The following TMPRSS11A variants were observed in gnomAD, a reference collection of about 807,000 sequenced individuals.
TMPRSS11A encodes the protein transmembrane protease serine 11A.
In TMPRSS11A, 53 loss-of-function variants were observed where a neutral mutation model predicts 58.9. The ratio of observed to expected loss-of-function variants is 0.90; its 90% CI spans 0.72 to 1.13. The LOEUF is 1.13. TMPRSS11A is among the 50% of genes most tolerant of loss of function. The pLI, the probability that TMPRSS11A is intolerant of heterozygous loss-of-function variation, is 0.00. For missense variants in TMPRSS11A, 493 were observed against 499.3 expected (o/e 0.99, Z 0.12); for synonymous variants, 167 against 169.8 (o/e 0.98, Z 0.13).
In TMPRSS11A at chr4:67,963,435, G is replaced by A. The variant is rs766130949; in HGVS notation, c.-42C>T. ...ATGATCTTGCAGGTCTGCACCCACT[G>A]AACTCAACTTTCTAATCAACTATAT... On this transcript the variant is annotated 5_prime_UTR_variant, in exon 1 of 10. Coordinates refer to ENST00000508048, the MANE Select transcript of TMPRSS11A (RefSeq NM_001114387.2). 1.4e-5 allele frequency: 22 copies of A among 1,609,500 alleles called. No homozygotes were observed. In the East Asian group the frequency reaches 4.5e-4, roughly 33 times the overall value.
At chr4:67,930,140 TGA>T (rs757584042) in intron 4 of TMPRSS11A, 100 bp from the exon 5 acceptor site, 40 of 1,121,718 alleles carry the variant, frequency 3.6e-5, no homozygotes, top group Non-Finnish European at 4.8e-5. Flanking sequence ...CCTCAGTTGC[TGA>T]GAGTGTCAAG....
intron 1 of TMPRSS11A, among the ~76,000 whole-genome samples, chr4:67,952,612 T>A (rs1395856356): frequency 6.6e-6 from 1 of 152,172 alleles, no homozygotes; most frequent in African/African-American, 2.4e-5. Flanking sequence ...GCCAAAGTAA[T>A]GTCATTGAAA....
In TMPRSS11A at chr4:67,963,254, T is replaced by C. The variant is rs563639424; in HGVS notation, c.11+129A>G. The stretch of plus-strand genomic sequence containing the variant: ...CAGGATGCTATGATAATTCCAGAAA[T>C]TTAAAAAAATCCAGTGCAGATTGAA... On this transcript the variant is annotated intron_variant, in intron 1 of 9. Transcript: ENST00000508048. 3.3e-5 allele frequency: 27 copies of C among 810,378 alleles called. No homozygotes were observed. The African/African-American group carries it at 4.6e-4, about 14-fold the overall frequency. The allele number at this position is 810,378 out of a possible 1,614,324, so 50.2% of individuals were successfully genotyped here.
Position 67,911,361 on chromosome 4 carries a change from G to A in TMPRSS11A, c.1238C>T (p.Ala413Val). Residue 413 changes from alanine (A) to valine (V), a missense_variant, in exon 10 of 10, where the codon GCT (alanine) becomes GTT (valine). Coordinates refer to ENST00000508048, the MANE Select transcript of TMPRSS11A (RefSeq NM_001114387.2). ...CGTGAATTAGATGCCTGTTTTTGAA[G>A]CAATCCAGTTTCGGTAATAAGTCAC... ...TQVTYYRNWI[A>V]SKTGI The A allele has an allele frequency of 6.2e-7, 1 of 1,612,936 alleles. No individual in the cohort carries two copies. The highest frequency in any genetic ancestry group is 8.5e-7 in the Non-Finnish European group (1 of 1,179,326).
chr4:67,935,619 T>A (rs939119586), intron 3 of TMPRSS11A, among the ~76,000 whole-genome samples: 1 of 152,186 alleles, frequency 6.6e-6, no homozygotes, highest in East Asian at 1.9e-4. Flanking sequence ...CTTTTCATAG[T>A]CTATAAAATC....
At chr4:67,956,579 G>A (rs1370842) in intron 1 of TMPRSS11A, among the ~76,000 whole-genome samples, 6 of 152,332 alleles carry the variant, frequency 3.9e-5, no homozygotes, top group African/African-American at 1.4e-4. Flanking sequence ...ATAGGGCAGG[G>A]ACAGGGACTA....
chr4:67,933,154 A>T (rs576330188), intron 3 of TMPRSS11A, among the ~76,000 whole-genome samples: 3 of 152,202 alleles, frequency 2.0e-5, no homozygotes, highest in African/African-American at 7.2e-5. Context: ...TGTTTCAGGG[A>T]TCAAGAAACA....
At chr4:67,916,691 G>A (rs942913402) in intron 8 of TMPRSS11A, among the ~76,000 whole-genome samples, 8 of 152,140 alleles carry the variant, frequency 5.3e-5, no homozygotes, top group Non-Finnish European at 7.4e-5. Context: ...GCCGGGCATG[G>A]TGGTGGGCGC....
At chr4:67,919,568 G>A (rs757392946) in intron 7 of TMPRSS11A, among the ~76,000 whole-genome samples, 2 of 152,152 alleles carry the variant, frequency 1.3e-5, no homozygotes, top group Non-Finnish European at 1.5e-5. Context: ...TGATGAACAG[G>A]ACCTAAGGTG....
At chr4:67,939,850 G>A (rs1253248368) in intron 3 of TMPRSS11A, among the ~76,000 whole-genome samples, 1 of 151,822 alleles carries the variant, frequency 6.6e-6, no homozygotes, top group African/African-American at 2.4e-5. Flanking sequence ...CACCATGCCC[G>A]GCTAATTTTC....
In TMPRSS11A at chr4:67,922,784, C is replaced by T. The variant is rs1461348850; in HGVS notation, c.663G>A (p.Trp221Ter). ...QCGATLISNT[W>*]LVTAAHCFQK... is the part of the protein sequence containing the mutation. Reference sequence around the variant, plus strand: ...GGAAGCAGTGTGCTGCAGTGACAAGCCATGTGTTACTAATCAAGGTGGCCC... The same window carrying T: ...GGAAGCAGTGTGCTGCAGTGACAAGTCATGTGTTACTAATCAAGGTGGCCC... The change falls in exon 7 of 10, where the codon TGG becomes TGA. Residue 221 changes from tryptophan (W) to a stop codon, truncating the protein, a stop_gained. Transcript: ENST00000508048. LOFTEE classifies it high-confidence loss of function. 2 of 1,614,048 alleles carry T rather than the reference C, an allele frequency of 1.2e-6. No homozygotes were observed. Among genetic ancestry groups the T allele is most frequent in the South Asian group, 1.1e-5 (1 of 91,072 alleles).
intron 1 of TMPRSS11A, 26 bp downstream of exon 1, chr4:67,963,357 C>T (rs1476925490): frequency 1.9e-6 from 3 of 1,613,056 alleles, no homozygotes; most frequent in Non-Finnish European, 2.5e-6. Flanking sequence ...TCAAACAAGC[C>T]ATCTATAAAA....
chr4:67,946,376 A>C, intron 2 of TMPRSS11A, 74 bp downstream of exon 2: 1 of 1,426,178 alleles, frequency 7.0e-7, no homozygotes, highest in Non-Finnish European at 9.3e-7. Flanking sequence ...AGATGAAGTT[A>C]CATTTACATA....
In TMPRSS11A at chr4:67,963,383, C is replaced by T. The variant is rs751772293; in HGVS notation, c.11G>A (p.Arg4Gln). The T allele has an allele frequency of 2.2e-5, 35 of 1,613,452 alleles. No individual in the cohort carries two copies. The highest frequency in any genetic ancestry group is 7.7e-5 in the South Asian group (7 of 91,012). MMY[R>Q]TVGFGTRSRN... ...ATCTATAAAACAGAACTGAACTTACCGATACATCATGTACAGGAGGAAGAA... is the reference window on the plus strand; with the variant it reads ...ATCTATAAAACAGAACTGAACTTACTGATACATCATGTACAGGAGGAAGAA... Residue 4 changes from arginine (R) to glutamine (Q), a missense_variant and splice_region_variant, in exon 1 of 10, where the codon CGG (arginine) becomes CAG (glutamine). Arg to Gln is a conservative substitution (Grantham distance 43). Transcript: ENST00000508048.
chr4:67,954,473 C>G (rs1440026337), intron 1 of TMPRSS11A, among the ~76,000 whole-genome samples: 1 of 152,220 alleles, frequency 6.6e-6, no homozygotes, highest in Non-Finnish European at 1.5e-5. Flanking sequence ...CTTATCCCTT[C>G]TAGATCCCCC....
rs138343789 is a variant in TMPRSS11A, at chr4:67,950,442, G to T, written c.12-3871C>A. 3.9e-3 allele frequency among the ~76,000 whole-genome samples: 587 copies of T among 152,258 alleles called. 6 individuals are homozygous for T. Among genetic ancestry groups the T allele is most frequent in the African/African-American group, 0.014 (565 of 41,542 alleles). On this transcript the variant is annotated intron_variant, in intron 1 of 9. Transcript: ENST00000508048. Reference sequence around the variant, plus strand: ...GAATCTCTCTATTGGGGAAGCCCAGGCTCTTTAAAAATGTCATCCGATTAG... The same window carrying T: ...GAATCTCTCTATTGGGGAAGCCCAGTCTCTTTAAAAATGTCATCCGATTAG...
At chr4:67,932,660 TC>T (rs1440345034) in intron 3 of TMPRSS11A, among the ~76,000 whole-genome samples, 2 of 152,130 alleles carry the variant, frequency 1.3e-5, no homozygotes, top group African/African-American at 4.8e-5. Context: ...CTAGCCTCCA[TC>T]CTGGCATTAC....
intron 3 of TMPRSS11A, among the ~76,000 whole-genome samples, chr4:67,935,240 C>T (rs1204719820): frequency 6.6e-6 from 1 of 152,106 alleles, no homozygotes; most frequent in African/African-American, 2.4e-5. Context: ...CCTCTGTGAC[C>T]AACTTGCCTG....
chr4:67,911,899 G>T (rs1396211930), intron 9 of TMPRSS11A, among the ~76,000 whole-genome samples: 1 of 151,890 alleles, frequency 6.6e-6, no homozygotes, highest in Non-Finnish European at 1.5e-5. Flanking sequence ...ACAGCTTCTA[G>T]GTTTAGACAG....
Sources: allele counts gnomAD v4.1 joint callset (sites outside exome capture counted in the v4.1 genomes callset), GRCh38; gene constraint gnomAD v4.1.1; transcripts MANE v1.5; gene names NCBI Gene and HGNC (gene_info 2026-07-23, HGNC 2026-07-21).